Variants in PIK3CD observed in about 807,000 individuals in gnomAD.
The protein encoded by PIK3CD is phosphatidylinositol-4,5-bisphosphate 3-kinase catalytic subunit delta.
A neutral mutation model predicts 122.9 loss-of-function variants in PIK3CD; 20 were observed. The ratio of observed to expected loss-of-function variants is 0.16; its 90% confidence interval spans 0.11 to 0.24. PIK3CD has a LOEUF of 0.24. Ranked by LOEUF, PIK3CD falls within the 10% of genes least tolerant of loss-of-function variation. The pLI is 1.00. For synonymous variants in PIK3CD, 596 were observed against 593.4 expected (o/e 1.00, Z -0.06); for missense variants, 787 against 1,406.3 (o/e 0.56, Z 7.04).
rs1570293729 is a variant in PIK3CD at position 9,700,714 on chromosome 1, G to A, written c.-33+9143G>A. Among the ~76,000 whole-genome samples, 2 of 152,102 alleles carry A rather than the reference G, an allele frequency of 1.3e-5. No individual in the cohort carries two copies. The highest frequency in any genetic ancestry group is 2.1e-4 in the South Asian group (1 of 4,816). On this transcript the variant is annotated intron_variant, in intron 2 of 23. Coordinates refer to ENST00000377346, the MANE Select transcript of PIK3CD (RefSeq NM_005026.5). This position sits in a 1 kb window ranked among gnomAD's most constrained non-coding sequence, Gnocchi z 5.1. ...CCCACCTGGGGAGTTTGCCCCTGGC[G>A]GTCTTTACGTGGCTATTCATTAAGC...
the PIK3CD span, among the ~76,000 whole-genome samples, chr1:9,633,817 T>G: frequency 6.6e-6 from 1 of 152,132 alleles, no homozygotes; most frequent in East Asian, 1.9e-4. Context: ...TGCCTGCCCT[T>G]CTACCACTGG....
intron 2 of PIK3CD, among the ~76,000 whole-genome samples, chr1:9,698,839 A>T (rs1185907146): frequency 6.6e-6 from 1 of 151,342 alleles, no homozygotes; most frequent in Non-Finnish European, 1.5e-5. Flanking sequence ...TGGGGATAGC[A>T]TTTTTTTTCA....
At chr1:9,678,269 G>A (rs1342583746) in intron 1 of PIK3CD, among the ~76,000 whole-genome samples, 1 of 151,930 alleles carries the variant, frequency 6.6e-6, no homozygotes, top group East Asian at 1.9e-4. Flanking sequence ...GGGCCATATA[G>A]GGAAACCCTG....
At chr1:9,714,517 T>G (rs1647195992) in intron 3 of PIK3CD, among the ~76,000 whole-genome samples, 1 of 152,176 alleles carries the variant, frequency 6.6e-6, no homozygotes, top group Non-Finnish European at 1.5e-5. Context: ...TGTTTGTTTT[T>G]TAATGGAAAT....
At chr1:9,633,225 T>A in the PIK3CD span, among the ~76,000 whole-genome samples, 1 of 152,102 alleles carries the variant, frequency 6.6e-6, no homozygotes, top group East Asian at 1.9e-4. Flanking sequence ...GGATGAGAGA[T>A]CACAAACCCC....
chr1:9,630,824 G>A, the PIK3CD span, among the ~76,000 whole-genome samples: 2 of 152,170 alleles, frequency 1.3e-5, no homozygotes, highest in East Asian at 3.9e-4. Flanking sequence ...CAGACAGCAA[G>A]CCTGGGATGT....
At chr1:9,653,869 A>G (rs1644754443) in intron 1 of PIK3CD, 1 of 1,367,442 alleles carries the variant, frequency 7.3e-7, no homozygotes, top group Non-Finnish European at 9.8e-7. Flanking sequence ...GTGCTTTCAC[A>G]GAATGATGGA....
intron 1 of PIK3CD, 135 bp from the exon 2 acceptor site, chr1:9,691,332 T>G: frequency 2.6e-6 from 1 of 385,486 alleles, no homozygotes; most frequent in Admixed American, 4.5e-5. Flanking sequence ...TGGAATGTGA[T>G]TGGTTTGCAA....
At chr1:9,639,725 G>C in the PIK3CD span, among the ~76,000 whole-genome samples, 1 of 152,056 alleles carries the variant, frequency 6.6e-6, no homozygotes, top group African/African-American at 2.4e-5. Flanking sequence ...CAGGGTTTTT[G>C]TTTGTTTGTT....
Position 9,724,996 on chromosome 1 carries a change from A to T in PIK3CD, c.2997+60A>T. ...GACTTCCAAGGCCTGCCCCCGAGCAATGTGACCTAGGAGGGCCCTGAATGC... is the reference window on the plus strand; with the variant it reads ...GACTTCCAAGGCCTGCCCCCGAGCATTGTGACCTAGGAGGGCCCTGAATGC... On this transcript the variant is annotated intron_variant, in intron 23 of 23. Coordinates refer to ENST00000377346, the MANE Select transcript of PIK3CD (RefSeq NM_005026.5). This position sits in a 1 kb window ranked among gnomAD's most constrained non-coding sequence, Gnocchi z 7.3. 1 of 1,602,172 alleles carries T rather than the reference A, an allele frequency of 6.2e-7. No homozygotes were observed. Among genetic ancestry groups the T allele is most frequent in the Non-Finnish European group, 8.5e-7 (1 of 1,174,284 alleles).
chr1:9,689,378 C>T lies in PIK3CD; in HGVS notation c.-137-2089C>T, dbSNP rs1302653953. Among the ~76,000 whole-genome samples, 1 of 151,938 alleles carries T rather than the reference C, an allele frequency of 6.6e-6. No homozygotes were observed. Among genetic ancestry groups the T allele is most frequent in the African/African-American group, 2.4e-5 (1 of 41,410 alleles). On this transcript the variant is annotated intron_variant, in intron 1 of 23. Coordinates refer to ENST00000377346, the MANE Select transcript of PIK3CD (RefSeq NM_005026.5). The surrounding 1 kb of genome is among the most constrained non-coding windows in gnomAD (Gnocchi z 6.1). ...TTTGCAGCGTCCACTCCTCTCTCCGCCGCCCGTGTGAGCTCGGGCGCTTCT... is the reference window on the plus strand; with the variant it reads ...TTTGCAGCGTCCACTCCTCTCTCCGTCGCCCGTGTGAGCTCGGGCGCTTCT...
Position 9,724,636 on chromosome 1 carries a change from G to A in PIK3CD, c.2865-168G>A, listed in dbSNP as rs1369788070. 6.6e-6 allele frequency among the ~76,000 whole-genome samples: 1 copy of A among 152,242 alleles called. No homozygotes were observed. The highest frequency in any genetic ancestry group is 1.5e-5 in the Non-Finnish European group (1 of 68,036). ...AGGTTTGTGGGTCATGTAGCAGGAG[G>A]CTGGCTGGGGCACGGGGGTCAGTTA... is the stretch of plus-strand genomic sequence containing the variant. On this transcript the variant is annotated intron_variant, in intron 22 of 23. Coordinates refer to ENST00000377346, the MANE Select transcript of PIK3CD (RefSeq NM_005026.5). The surrounding 1 kb of genome is among the most constrained non-coding windows in gnomAD (Gnocchi z 7.3).
intron 1 of PIK3CD, among the ~76,000 whole-genome samples, chr1:9,679,512 C>T (rs1645668095): frequency 6.6e-6 from 1 of 151,642 alleles, no homozygotes; most frequent in Non-Finnish European, 1.5e-5. Context: ...CCCACACCCA[C>T]ATCGCCTGTT....
At chr1:9,712,493 C>A (rs886507649) in intron 3 of PIK3CD, among the ~76,000 whole-genome samples, 1 of 152,066 alleles carries the variant, frequency 6.6e-6, no homozygotes, top group East Asian at 1.9e-4. Flanking sequence ...GTTGGCCAGG[C>A]TGGTCTCGAA....
chr1:9,644,117 C>T, the PIK3CD span, among the ~76,000 whole-genome samples: 4 of 152,236 alleles, frequency 2.6e-5, no homozygotes, highest in South Asian at 8.3e-4. Flanking sequence ...CCGGGTTGAG[C>T]AAAACAAAAA....
chr1:9,667,111 G>A (rs1172974091), intron 1 of PIK3CD, among the ~76,000 whole-genome samples: 1 of 152,026 alleles, frequency 6.6e-6, no homozygotes, highest in Non-Finnish European at 1.5e-5. Flanking sequence ...TAATCTGCTC[G>A]CCTCTGCCTC....
chr1:9,716,905 C>T (rs1381812293), intron 6 of PIK3CD, 54 bp from the exon 7 acceptor site: 4 of 1,611,790 alleles, frequency 2.5e-6, no homozygotes, highest in African/African-American at 1.3e-5. Flanking sequence ...ATCCTGGTGT[C>T]CAGGGAGTGG....
chr1:9,643,163 C>T, the PIK3CD span, among the ~76,000 whole-genome samples: 1 of 151,976 alleles, frequency 6.6e-6, no homozygotes. Context: ...AATCCCAGCA[C>T]TTTGGGAGGC....
chr1:9,690,592 C>T (rs750659652), intron 1 of PIK3CD, among the ~76,000 whole-genome samples: 5 of 152,128 alleles, frequency 3.3e-5, no homozygotes, highest in African/African-American at 1.2e-4. Context: ...AGGGAGCATC[C>T]GAGCCCGCAT....
Sources: gnomAD v4.1 joint callset for allele counts (sites outside exome capture counted in the v4.1 genomes callset) on GRCh38, gnomAD v4.1.1 for gene constraint, Gnocchi (gnomAD v3.1) non-coding constraint, MANE v1.5 for transcripts, NCBI Gene and HGNC (gene_info 2026-07-23, HGNC 2026-07-21) for gene names.